The following ZNF37A variants were observed in gnomAD, a reference collection of about 807,000 sequenced individuals.
ZNF37A encodes zinc finger protein 37A, also known as zinc finger protein 37a (KOX 21).
Under a neutral mutation model 12.3 loss-of-function variants are expected in ZNF37A, and 10 were observed. The observed-to-expected ratio is 0.82, with a 90% CI of 0.50 to 1.38. The LOEUF is 1.38. Among genes scored for constraint, ZNF37A ranks in the 40% most tolerant of loss-of-function variants. The probability of loss-of-function intolerance (pLI) is 0.00; values close to 1 mark genes in which losing one functional copy is unlikely to be tolerated. For missense variants in ZNF37A, 580 were observed against 651.2 expected, an observed-to-expected ratio of 0.89 and a Z score of 1.19; for synonymous variants, 207 against 223.0, an observed-to-expected ratio of 0.93 and a Z score of 0.64.
chr10:38,135,274 A>G (rs2070092894), intron 7 of ZNF37A, among the ~76,000 whole-genome samples: 1 of 152,204 alleles, frequency 6.6e-6, no homozygotes, highest in Admixed American at 6.5e-5. Context: ...AGTCCCAGCT[A>G]CTCAGGAGGC....
chr10:38,112,156 A>C (rs961110666), intron 5 of ZNF37A, among the ~76,000 whole-genome samples: 4 of 150,842 alleles, frequency 2.7e-5, no homozygotes, highest in South Asian at 2.1e-4. Context: ...CTAAAAAAAA[A>C]CCCAACAAAA....
At chr10:38,129,104 C>T (rs889214182), downstream of ZNF37A, among the ~76,000 whole-genome samples, 1 of 138,578 alleles carries the variant, frequency 7.2e-6, no homozygotes, top group Non-Finnish European at 1.7e-5. Flanking sequence ...TCATCCATAA[C>T]AGTGTAGAAA....
At chr10:38,096,746 T>A in intron 5 of ZNF37A, 114 bp downstream of exon 5, 5 of 986,350 alleles carry the variant, frequency 5.1e-6, no homozygotes, top group Non-Finnish European at 6.1e-6. Flanking sequence ...AGAGGAGAGG[T>A]CACATTACAT....
At chr10:38,124,687 G>A (rs1340051474), downstream of ZNF37A, 3 of 152,100 alleles carry the variant, frequency 2.0e-5, no homozygotes, top group Non-Finnish European at 1.5e-5. Context: ...TTTCAATAAA[G>A]CTCCCAATAT....
intron 5 of ZNF37A, among the ~76,000 whole-genome samples, chr10:38,100,961 C>T (rs921628354): frequency 5.3e-5 from 8 of 152,146 alleles, no homozygotes; most frequent in African/African-American, 1.7e-4. Flanking sequence ...TGGCTGCAGC[C>T]GGTCCCTCTG....
rs147311197 is a variant in ZNF37A, at chr10:38,135,316, C to A, written c.239-11416C>A. ...AGGAGAATCGCCTGAAACTGGGAGG[C>A]GGAGGTTGCAGTGAGCTGAGATCAT... On this transcript the variant is annotated intron_variant, in intron 7 of 7. Transcript: ENST00000638053. Among the ~76,000 whole-genome samples the A allele has an allele frequency of 4.5e-3, 683 of 152,290 alleles. 10 individuals are homozygous for A. The South Asian group carries it at 0.05, about 11-fold the overall frequency.
Position 38,112,751 on chromosome 10 carries a change from TTTTCTTTTC to T in ZNF37A, c.16-2000_16-1992del, listed in dbSNP as rs2068854399. Among the ~76,000 whole-genome samples the T allele has an allele frequency of 7.8e-4, 38 of 48,484 alleles. 1 individual carries two copies. Among genetic ancestry groups the T allele is most frequent in the African/African-American group, 3.0e-3 (37 of 12,456 alleles). 31.8% of individuals were successfully genotyped at this position (48,484 alleles called of 152,430 possible). On this transcript the variant is annotated intron_variant, in intron 5 of 7. Transcript: ENST00000685332. The stretch of plus-strand genomic sequence containing the variant: ...ATCCATTTTCTTTTCTTTTCTTTTC[TTTTCTTTTC>T]TTTTCTTTTCTTTTCTTTTCTTTTC...
In ZNF37A at chr10:38,112,740, CTTTT is replaced by C. The variant is rs2068839489; in HGVS notation, c.16-2014_16-2011del. 2.2e-4 allele frequency among the ~76,000 whole-genome samples: 5 copies of C among 22,358 alleles called. 1 individual carries two copies. The highest frequency in any genetic ancestry group is 3.7e-4 in the Non-Finnish European group (4 of 10,922). The allele number at this position is 22,358 out of a possible 152,430, so 14.7% of individuals were successfully genotyped here. On this transcript the variant is annotated intron_variant, in intron 5 of 7. Transcript: ENST00000685332. ...CTGTATTTTACATCCATTTTCTTTT[CTTTT>C]CTTTTCTTTTCTTTTCTTTTCTTTT...
At chr10:38,111,080 A>G (rs2068605980) in intron 5 of ZNF37A, among the ~76,000 whole-genome samples, 1 of 152,194 alleles carries the variant, frequency 6.6e-6, no homozygotes, top group African/African-American at 2.4e-5. Context: ...CTTGGAACCA[A>G]CCCAAATGCC....
chr10:38,112,733 T>TGG (rs1564931691), intron 5 of ZNF37A, among the ~76,000 whole-genome samples: 3 of 65,366 alleles, frequency 4.6e-5, no homozygotes, highest in African/African-American at 1.7e-4. Flanking sequence ...TACATCCATT[T>TGG]TCTTTTCTTT....
Position 38,112,745 on chromosome 10 carries a change from CTTT to C in ZNF37A, c.16-2008_16-2006del, listed in dbSNP as rs1564931878. ...TTTTACATCCATTTTCTTTTCTTTT[CTTT>C]TCTTTTCTTTTCTTTTCTTTTCTTT... On this transcript the variant is annotated intron_variant, in intron 5 of 7. Transcript: ENST00000685332. 2.1e-3 allele frequency among the ~76,000 whole-genome samples: 72 copies of C among 34,428 alleles called. 5 individuals carry two copies. The highest frequency in any genetic ancestry group is 3.9e-3 in the Admixed American group (11 of 2,828). The allele number at this position is 34,428 out of a possible 152,430, so 22.6% of individuals were successfully genotyped here. A position where few individuals can be genotyped will look rare whatever the true frequency, so the allele number is the denominator to read the frequency against.
intron 5 of ZNF37A, among the ~76,000 whole-genome samples, chr10:38,103,757 G>C (rs1564918511): frequency 6.6e-6 from 1 of 152,116 alleles, no homozygotes; most frequent in African/African-American, 2.4e-5. Context: ...TGTAAAGTCA[G>C]TGTTCTTTGT....
rs1554929923 is a variant in ZNF37A, at chr10:38,112,778, T to TCTCGG, written c.16-1977_16-1976insCTCGG. Among the ~76,000 whole-genome samples the TCTCGG allele has an allele frequency of 4.7e-5, 3 of 63,810 alleles. No individual in the cohort carries two copies. The East Asian group carries it at 1.9e-3, about 41-fold the overall frequency. The allele number at this position is 63,810 out of a possible 152,430, so 41.9% of individuals were successfully genotyped here. ...TTCTTTTCTTTTCTTTTCTTTTCTT[T>TCTCGG]TCTTTTCTTTTCTTTTCTTGTCTTG... On this transcript the variant is annotated intron_variant, in intron 5 of 7. Coordinates refer to ENST00000685332, the MANE Select transcript of ZNF37A (RefSeq NM_001324250.3).
chr10:38,107,431 GA>G (rs940689003), intron 5 of ZNF37A, among the ~76,000 whole-genome samples: 4 of 152,150 alleles, frequency 2.6e-5, no homozygotes, highest in African/African-American at 9.7e-5. Flanking sequence ...TCGATACTAT[GA>G]AAAAACTGCA....
chr10:38,096,061 C>T (rs2067129573), intron 4 of ZNF37A, among the ~76,000 whole-genome samples: 1 of 152,148 alleles, frequency 6.6e-6, no homozygotes, highest in African/African-American at 2.4e-5. Context: ...TGGTGCGCAC[C>T]TGTAGTCCCA....
intron 7 of ZNF37A, among the ~76,000 whole-genome samples, chr10:38,130,833 C>G (rs1322494914): frequency 1.3e-5 from 2 of 152,160 alleles, no homozygotes. Context: ...CACAAGTGTT[C>G]TGACTTCACC....
Position 38,117,592 on chromosome 10 carries a change from A to T in ZNF37A, c.441A>T (p.Glu147Asp). The change falls in exon 8 of 8, where the codon GAA becomes GAT. Residue 147 changes from glutamate (E) to aspartate (D), a missense_variant. Glu to Asp is a conservative substitution (Grantham distance 45, BLOSUM62 2). Coordinates refer to ENST00000685332, the MANE Select transcript of ZNF37A (RefSeq NM_001324250.3). ...TTAAAAATTGGGAACAATCTTTTGA[A>T]TACAATGAATGTGGGAAAGCTTTCC... is the stretch of plus-strand genomic sequence containing the variant. ...QKIKNWEQSFEYNECGKAFPE... is the reference protein window; with the variant it reads ...QKIKNWEQSFDYNECGKAFPE... 6.2e-7 allele frequency: 1 copy of T among 1,613,818 alleles called. No individual in the cohort carries two copies. The highest frequency in any genetic ancestry group is 8.5e-7 in the Non-Finnish European group (1 of 1,179,950).
At chr10:38,147,951 A>G (rs1048951158) in exon 8 of ZNF37A, 1 of 152,262 alleles carries the variant, frequency 6.6e-6, no homozygotes, top group Non-Finnish European at 1.5e-5. Context: ...CGATGAGTTA[A>G]GGAAATACAA....
intron 7 of ZNF37A, chr10:38,140,327 T>C (rs1382189170): frequency 2.0e-5 from 3 of 152,254 alleles, no homozygotes; most frequent in Non-Finnish European, 4.4e-5. Context: ...ATCTAGTTGG[T>C]AATTTTATCA....
Sources: allele counts gnomAD v4.1 joint callset (sites outside exome capture counted in the v4.1 genomes callset), GRCh38; gene constraint gnomAD v4.1.1; transcripts MANE v1.5; gene names NCBI Gene and HGNC (gene_info 2026-07-23, HGNC 2026-07-21).